LAMC1: variants seen among roughly 807,000 people sequenced by gnomAD.
LAMC1 encodes laminin subunit gamma-1.
Under a neutral mutation model 173.6 loss-of-function variants are expected in LAMC1, and 38 were observed. That is an observed-to-expected ratio of 0.22 (90% confidence interval 0.17 to 0.29). LAMC1 has a LOEUF of 0.29. Ranked by LOEUF, LAMC1 falls within the 10% of genes least tolerant of loss-of-function variation. LAMC1 has a pLI of 1.00. For missense variants in LAMC1, 1,824 were observed against 2,051.8 expected (o/e 0.89, Z 2.14); for synonymous variants, 746 against 749.1 (o/e 1.00, Z 0.07).
At chr1:183,125,110 T>G (rs1050181362) in intron 14 of LAMC1, 37 of 594,672 alleles carry the variant, frequency 6.2e-5, no homozygotes, top group Non-Finnish European at 1.0e-4. Flanking sequence ...TACTAATGTA[T>G]TTTATTTAAT....
In LAMC1 at chr1:183,131,372, C is replaced by G. The variant is rs1441990947; in HGVS notation, c.3560C>G (p.Ala1187Gly). 2 of 1,611,498 alleles carry G rather than the reference C, an allele frequency of 1.2e-6. No individual in the cohort carries two copies. The highest frequency in any genetic ancestry group is 1.7e-6 in the Non-Finnish European group (2 of 1,178,622). Reference sequence around the variant, plus strand: ...TTGGCAGAAGAGGCTCGAAAGCTTGCTGAACGGTAACTTCTAGATCCCTGT... The same window carrying G: ...TTGGCAGAAGAGGCTCGAAAGCTTGGTGAACGGTAACTTCTAGATCCCTGT... The part of the protein sequence containing the change: ...TLLAEEARKL[A>G]ERHKQEADDI... The change falls in exon 20 of 28, where the codon GCT (alanine) becomes GGT (glycine). Residue 1187 changes from alanine to glycine, a missense_variant. By Grantham distance (60) the Ala-to-Gly change is moderately conservative. Transcript: ENST00000258341.
At chr1:183,102,244 G>A (rs1231749475) in intron 1 of LAMC1, among the ~76,000 whole-genome samples, 2 of 152,324 alleles carry the variant, frequency 1.3e-5, no homozygotes, top group African/African-American at 4.8e-5. Flanking sequence ...GAGCACAGAA[G>A]TTGCTGTTCT....
Position 183,103,550 on chromosome 1 carries a change from C to T in LAMC1, c.641C>T (p.Pro214Leu). Residue 214 changes from proline to leucine, a missense_variant, in exon 2 of 28, where the codon CCC becomes CTC. By Grantham distance (98) the Pro-to-Leu change is moderately conservative. Transcript: ENST00000258341. ...ACTGATGAATTCAGTGACATTTCTC[C>T]CCTCACTGGGGGCAACGTGGCCTTT... Reference protein sequence around the residue: ...LCTDEFSDISPLTGGNVAFST... With the variant: ...LCTDEFSDISLLTGGNVAFST... 6.2e-7 allele frequency: 1 copy of T among 1,613,472 alleles called. No homozygotes were observed. The highest frequency in any genetic ancestry group is 8.5e-7 in the Non-Finnish European group (1 of 1,179,546).
At chr1:183,056,906 T>G (rs1654611824) in intron 1 of LAMC1, among the ~76,000 whole-genome samples, 2 of 152,226 alleles carry the variant, frequency 1.3e-5, no homozygotes, top group African/African-American at 4.8e-5. Flanking sequence ...GTGTATGCTT[T>G]ATTTTACTTT....
intron 27 of LAMC1, 133 bp from the exon 28 acceptor site, chr1:183,142,401 C>G: frequency 1.1e-6 from 1 of 874,810 alleles, no homozygotes; most frequent in South Asian, 1.7e-5. Flanking sequence ...CATCAACAAT[C>G]TGCAAGTCAC....
At chr1:183,040,172 C>T (rs1282717962) in intron 1 of LAMC1, among the ~76,000 whole-genome samples, 2 of 152,196 alleles carry the variant, frequency 1.3e-5, no homozygotes, top group African/African-American at 4.8e-5. Flanking sequence ...GTTTGAAATT[C>T]ACAGCATTGC....
chr1:183,124,937 G>A (rs1000403320), intron 14 of LAMC1, 61 bp downstream of exon 14: 3 of 1,576,128 alleles, frequency 1.9e-6, no homozygotes, highest in African/African-American at 1.4e-5. Context: ...GAGAATTCTT[G>A]TGTGTCTCTT....
At chr1:183,090,946 C>T (rs1655551320) in intron 1 of LAMC1, among the ~76,000 whole-genome samples, 1 of 152,188 alleles carries the variant, frequency 6.6e-6, no homozygotes, top group African/African-American at 2.4e-5. Flanking sequence ...GTTATTATTA[C>T]AGATTTCATT....
intron 1 of LAMC1, among the ~76,000 whole-genome samples, chr1:183,068,176 G>A (rs1431800420): frequency 6.6e-6 from 1 of 151,986 alleles, no homozygotes; most frequent in African/African-American, 2.4e-5. Flanking sequence ...AAAGGCCTTT[G>A]TTACAATCTT....
intron 1 of LAMC1, among the ~76,000 whole-genome samples, chr1:183,038,397 C>T (rs1202645925): frequency 6.6e-6 from 1 of 152,198 alleles, no homozygotes; most frequent in Non-Finnish European, 1.5e-5. Context: ...CCCTGTGCTA[C>T]ACCGGAGGGC....
rs545479505 is a variant in LAMC1 at position 183,110,510 on chromosome 1, A to G, written c.877A>G (p.Ser293Gly). 1.2e-6 allele frequency: 2 copies of G among 1,613,292 alleles called. No individual in the cohort carries two copies. The highest frequency in any genetic ancestry group is 2.2e-5 in the South Asian group (2 of 90,912). ...CAGATGTAAATGTAATGGACACGCA[A>G]GCGAGTGTATGAAGAACGAATTTGA... ...GGRCKCNGHA[S>G]ECMKNEFDKL... is the part of the protein sequence containing the mutation. The change falls in exon 4 of 28, where the codon AGC (serine) becomes GGC (glycine). Residue 293 changes from serine to glycine, a missense_variant. Coordinates refer to ENST00000258341, the MANE Select transcript of LAMC1 (RefSeq NM_002293.4).
At chr1:183,029,273 C>T (rs887246851) in intron 1 of LAMC1, among the ~76,000 whole-genome samples, 1 of 152,196 alleles carries the variant, frequency 6.6e-6, no homozygotes, top group Non-Finnish European at 1.5e-5. Context: ...TCTCTCCGTC[C>T]TCTTTGTCTC....
intron 1 of LAMC1, among the ~76,000 whole-genome samples, chr1:183,062,246 G>C (rs1654761238): frequency 6.6e-6 from 1 of 152,182 alleles, no homozygotes; most frequent in Non-Finnish European, 1.5e-5. Context: ...GATTCTAATA[G>C]CTTTTTTGCT....
At chr1:183,120,167 C>CAAAAAAAAAAA in intron 11 of LAMC1, among the ~76,000 whole-genome samples, 1 of 64,738 alleles carries the variant, frequency 1.5e-5, no homozygotes, top group Non-Finnish European at 2.8e-5. Flanking sequence ...GGATCTATCT[C>CAAAAAAAAAAA]AAAAAAAAAA....
At chr1:183,077,123 G>A (rs937380109) in intron 1 of LAMC1, among the ~76,000 whole-genome samples, 8 of 152,130 alleles carry the variant, frequency 5.3e-5, no homozygotes, top group Non-Finnish European at 1.2e-4. Flanking sequence ...CAGAAGAAAG[G>A]ACCTAAAAGG....
At chr1:183,125,090 G>A (rs956136687) in intron 14 of LAMC1, 3 of 609,950 alleles carry the variant, frequency 4.9e-6, no homozygotes, top group Non-Finnish European at 8.5e-6. Flanking sequence ...AAAGAAACAG[G>A]TGAAATGAAT....
At chr1:183,105,746 T>G (rs1655963368) in intron 2 of LAMC1, among the ~76,000 whole-genome samples, 1 of 152,204 alleles carries the variant, frequency 6.6e-6, no homozygotes. Flanking sequence ...GATACCCAGT[T>G]GCCAAGGAGG....
intron 10 of LAMC1, 38 bp from the exon 11 acceptor site, chr1:183,117,996 C>T (rs199577018): frequency 8.2e-7 from 1 of 1,217,742 alleles, no homozygotes; most frequent in Non-Finnish European, 1.2e-6. Flanking sequence ...CCAGAATTGT[C>T]CTTACAGAGG....
intron 24 of LAMC1, among the ~76,000 whole-genome samples, chr1:183,135,970 G>A (rs78873744): frequency 0.021 from 3,122 of 151,266 alleles, 57 homozygotes; most frequent in Admixed American, 0.07. Context: ...CCTGCACCCT[G>A]CACCACAGGT....
Sources: allele counts gnomAD v4.1 joint callset (sites outside exome capture counted in the v4.1 genomes callset), GRCh38; gene constraint gnomAD v4.1.1; transcripts MANE v1.5; gene names NCBI Gene and HGNC (gene_info 2026-07-23, HGNC 2026-07-21).